LRCH2: variants seen among roughly 807,000 people sequenced by gnomAD.
The protein encoded by LRCH2 is leucine-rich repeat and calponin homology domain-containing protein 2.
A neutral mutation model predicts 68.9 loss-of-function variants in LRCH2; 38 were observed. That is an observed-to-expected ratio of 0.55 (90% confidence interval 0.43 to 0.72). LRCH2 has a LOEUF of 0.72. Ranked by LOEUF, LRCH2 falls within the 30% of genes least tolerant of loss-of-function variation. LRCH2 has a pLI of 0.00. For missense variants in LRCH2, 528 were observed against 572.9 expected, an observed-to-expected ratio of 0.92 and a Z score of 0.80; for synonymous variants, 191 against 208.1, an observed-to-expected ratio of 0.92 and a Z score of 0.71.
chrX:115,189,718 C>T (rs1044722244), intron 1 of LRCH2: 14 of 1,166,192 alleles, frequency 1.2e-5, no homozygotes, highest in South Asian at 5.7e-5. Flanking sequence ...CAAGAGCAGC[C>T]GATGGGTCCC....
intron 14 of LRCH2, among the ~76,000 whole-genome samples, chrX:115,131,585 T>G (rs1267792907): frequency 1.8e-5 from 2 of 112,049 alleles, no homozygotes; most frequent in East Asian, 5.6e-4. Flanking sequence ...TGTGTCTTTA[T>G]AGCAGCATGA....
chrX:115,190,441 G>A, intron 1 of LRCH2: 1 of 1,166,980 alleles, frequency 8.6e-7, no homozygotes, highest in Non-Finnish European at 1.1e-6. Context: ...GGAGTACCAG[G>A]GCAACTCGCC....
chrX:115,189,889 C>T (rs1556556558), intron 1 of LRCH2: 11 of 1,161,525 alleles, frequency 9.5e-6, no homozygotes, highest in Admixed American at 2.6e-5. Context: ...GCCCAGGAAG[C>T]GCGGGCCGCC....
chrX:115,122,201 T>C (rs781952865), intron 20 of LRCH2, among the ~76,000 whole-genome samples: 1 of 91,888 alleles, frequency 1.1e-5, no homozygotes, highest in Non-Finnish European at 2.1e-5. Context: ...AAATGTTCTC[T>C]AGCAAAAAAA....
chrX:115,177,477 A>G (rs782367156), intron 5 of LRCH2, among the ~76,000 whole-genome samples: 1 of 111,307 alleles, frequency 9.0e-6, no homozygotes, highest in Non-Finnish European at 1.9e-5. Flanking sequence ...CTGGGAGCCA[A>G]ACTGGAGCGT....
At chrX:115,173,967 A>G (rs782500375) in intron 5 of LRCH2, among the ~76,000 whole-genome samples, 1 of 112,377 alleles carries the variant, frequency 8.9e-6, no homozygotes, top group East Asian at 2.8e-4. Flanking sequence ...TACAGTAAAT[A>G]ACATATAACA....
rs1292027981 is a variant in LRCH2 at position 115,190,307 on chromosome X, A to T, written c.350-1937T>A. ...CAAAATGGCTACAGGGGTCGCGACC[A>T]TGAGTACACAGATCATCCCAGCAAA... On this transcript the variant is annotated intron_variant, in intron 1 of 20. Transcript: ENST00000317135. The T allele has an allele frequency of 6.3e-5, 73 of 1,150,258 alleles. No homozygotes were observed. The highest frequency in any genetic ancestry group is 8.5e-5 in the Non-Finnish European group (73 of 863,329). The allele number at this position is 1,150,258 out of a possible 1,213,427, so 94.8% of individuals were successfully genotyped here.
Position 115,156,609 on chromosome X carries a change from C to A in LRCH2, c.1522G>T (p.Glu508Ter). The change falls in exon 12 of 21, where the codon GAA (glutamate) becomes TAA (stop). Residue 508 changes from glutamate to a stop codon, truncating the protein, a stop_gained. Transcript: ENST00000317135. LOFTEE classifies it high-confidence loss of function. Reference sequence around the variant, plus strand: ...ACTAAGATATTTTTATACCTCTTTTCACATTCCACAGTTTGTTTTGGCTTG... The same window carrying A: ...ACTAAGATATTTTTATACCTCTTTTAACATTCCACAGTTTGTTTTGGCTTG... ...RNKPKQTVEC[E>*]KSVSADEVNS... The A allele has an allele frequency of 8.8e-7, 1 of 1,133,051 alleles. No individual in the cohort carries two copies. Among genetic ancestry groups the A allele is most frequent in the Non-Finnish European group, 1.2e-6 (1 of 852,507 alleles). 93.4% of individuals were successfully genotyped at this position (1,133,051 alleles called of 1,213,427 possible).
chrX:115,164,777 C>T (rs782790268), intron 10 of LRCH2, among the ~76,000 whole-genome samples: 2 of 110,753 alleles, frequency 1.8e-5, no homozygotes, highest in African/African-American at 3.3e-5. Context: ...TGGGAAAGCA[C>T]ATAGCACTAA....
intron 15 of LRCH2, among the ~76,000 whole-genome samples, chrX:115,129,651 A>G (rs2072226186): frequency 9.0e-6 from 1 of 111,660 alleles, no homozygotes; most frequent in East Asian, 2.8e-4. Context: ...ACAAAAATAC[A>G]CAAAACTTAA....
At chrX:115,181,959 A>T (rs184366180) in intron 3 of LRCH2, among the ~76,000 whole-genome samples, 1 of 111,573 alleles carries the variant, frequency 9.0e-6, no homozygotes, top group African/African-American at 3.3e-5. Flanking sequence ...TCTTGTCATT[A>T]CTCCTTAAAT....
intron 2 of LRCH2, among the ~76,000 whole-genome samples, chrX:115,186,297 G>A (rs781797436): frequency 9.4e-6 from 1 of 106,949 alleles, no homozygotes; most frequent in African/African-American, 3.4e-5. Flanking sequence ...AGGTTGCAGT[G>A]AGCCAAGATG....
At chrX:115,141,935 G>A (rs782257901) in intron 14 of LRCH2, among the ~76,000 whole-genome samples, 3 of 108,958 alleles carry the variant, frequency 2.8e-5, no homozygotes, top group Non-Finnish European at 5.7e-5. Flanking sequence ...GTTCACTTAC[G>A]AAGATACACA....
chrX:115,143,510 G>C (rs2072356961), intron 14 of LRCH2, among the ~76,000 whole-genome samples: 1 of 111,284 alleles, frequency 9.0e-6, no homozygotes, highest in Non-Finnish European at 1.9e-5. Flanking sequence ...GGAAAGAAAT[G>C]CCTGGGACCT....
intron 20 of LRCH2, among the ~76,000 whole-genome samples, chrX:115,120,328 AAAAC>A (rs1556525460): frequency 1.3e-5 from 1 of 79,532 alleles, no homozygotes; most frequent in African/African-American, 4.8e-5. Flanking sequence ...TTACAAGAAA[AAAAC>A]AAACAACCCC....
At chrX:115,145,872 A>C (rs1263871802) in intron 14 of LRCH2, among the ~76,000 whole-genome samples, 1 of 112,018 alleles carries the variant, frequency 8.9e-6, no homozygotes, top group Non-Finnish European at 1.9e-5. Flanking sequence ...TATGGAGAAC[A>C]GTTTGGAGGC....
At chrX:115,142,693 T>C (rs993289790) in intron 14 of LRCH2, among the ~76,000 whole-genome samples, 5 of 111,073 alleles carry the variant, frequency 4.5e-5, no homozygotes, top group Non-Finnish European at 9.4e-5. Flanking sequence ...ACAGGAAAAT[T>C]TCCAGCTATA....
At chrX:115,121,171 TAATAAATAAATA>T (rs781822005) in intron 20 of LRCH2, among the ~76,000 whole-genome samples, 1 of 107,743 alleles carries the variant, frequency 9.3e-6, no homozygotes, top group African/African-American at 3.4e-5. Flanking sequence ...TAAAGTATAA[TAATAAATAAATA>T]AATAAATAAA....
Position 115,149,924 on chromosome X carries a change from T to A in LRCH2, c.1598A>T (p.Asp533Val). 1 of 1,197,835 alleles carries A rather than the reference T, an allele frequency of 8.3e-7. No homozygotes were observed. The highest frequency in any genetic ancestry group is 1.1e-6 in the Non-Finnish European group (1 of 886,709). Reference protein sequence around the residue: ...LTWQPLENQKDQIDEQPWPES... With the variant: ...LTWQPLENQKVQIDEQPWPES... Reference sequence around the variant, plus strand: ...TGGCCACGGTTGTTCATCTATTTGATCCTTCTGATTTTCTAAGGGCTATAA... The same window carrying A: ...TGGCCACGGTTGTTCATCTATTTGAACCTTCTGATTTTCTAAGGGCTATAA... The change falls in exon 14 of 21, where the codon GAT becomes GTT. Residue 533 changes from aspartate (D) to valine (V), a missense_variant. Asp to Val is a radical substitution (Grantham distance 152). Coordinates refer to ENST00000317135, the MANE Select transcript of LRCH2 (RefSeq NM_020871.4).
Sources: allele counts gnomAD v4.1 joint callset (sites outside exome capture counted in the v4.1 genomes callset), GRCh38; gene constraint gnomAD v4.1.1; transcripts MANE v1.5; gene names NCBI Gene and HGNC (gene_info 2026-07-23, HGNC 2026-07-21).